SLC29A4: variants seen among roughly 807,000 people sequenced by gnomAD.
SLC29A4 encodes the protein solute carrier family 29 member 4.
SLC29A4 carries 36 observed loss-of-function variants against 43.9 expected under a neutral mutation model. That is an observed-to-expected ratio of 0.82 (90% confidence interval 0.63 to 1.08). SLC29A4 has a LOEUF of 1.08. Among genes scored for constraint, SLC29A4 ranks in the 50% least tolerant of loss-of-function variants. SLC29A4 has a pLI of 0.00. For synonymous variants in SLC29A4, 491 were observed against 338.0 expected (o/e 1.45, Z -4.97); for missense variants, 869 against 755.3 (o/e 1.15, Z -1.77).
rs934167853 is a variant in SLC29A4, at chr7:5,304,386, C to G, written c.*1447C>G. On this transcript the variant is annotated 3_prime_UTR_variant, in exon 11 of 11. Transcript: ENST00000396872. Reference sequence around the variant, plus strand: ...GAAACAAAGTGGGCGGGGCTTGGCCCCTGCCCCTCAGGGACTGCACTGCAT... The same window carrying G: ...GAAACAAAGTGGGCGGGGCTTGGCCGCTGCCCCTCAGGGACTGCACTGCAT... The G allele has an allele frequency of 4.0e-5, 6 of 151,752 alleles. No homozygotes were observed. Among genetic ancestry groups the G allele is most frequent in the African/African-American group, 1.5e-4 (6 of 41,334 alleles). 9.4% of individuals were successfully genotyped at this position (151,752 alleles called of 1,614,324 possible). A position where few individuals can be genotyped will look rare whatever the true frequency, so the allele number is the denominator to read the frequency against.
chr7:5,290,986 C>A (rs113532570), intron 3 of SLC29A4, 123 bp downstream of exon 3: 2 of 1,526,334 alleles, frequency 1.3e-6, no homozygotes, highest in African/African-American at 1.4e-5. Flanking sequence ...CTCGGCTCCA[C>A]TGTGAGCTGC....
intron 3 of SLC29A4, 110 bp from the exon 4 acceptor site, chr7:5,291,014 G>A: frequency 6.5e-7 from 1 of 1,527,860 alleles, no homozygotes; most frequent in Non-Finnish European, 8.9e-7. Flanking sequence ...CCTCAGGGCA[G>A]CCACTCACCC....
rs1786399631 is a variant in SLC29A4, at chr7:5,304,810, T to A, written c.*1871T>A. 6.6e-6 allele frequency: 1 copy of A among 152,020 alleles called. No homozygotes were observed. Among genetic ancestry groups the A allele is most frequent in the Non-Finnish European group, 1.5e-5 (1 of 68,022 alleles). 9.4% of individuals were successfully genotyped at this position (152,020 alleles called of 1,614,324 possible). A position where few individuals can be genotyped will look rare whatever the true frequency, so the allele number is the denominator to read the frequency against. On this transcript the variant is annotated 3_prime_UTR_variant, in exon 11 of 11. Transcript: ENST00000396872. ...TGAGCCACTGCACCCGTCCTGTGCCTCATTTTTGTTTTTTCTTTCTTTACA... is the reference window on the plus strand; with the variant it reads ...TGAGCCACTGCACCCGTCCTGTGCCACATTTTTGTTTTTTCTTTCTTTACA...
At chr7:5,285,765 A>C (rs1784905718) in intron 1 of SLC29A4, among the ~76,000 whole-genome samples, 1 of 152,192 alleles carries the variant, frequency 6.6e-6, no homozygotes, top group Admixed American at 6.5e-5. Flanking sequence ...TAATCCCAGC[A>C]CTTTGGGAGG....
intron 1 of SLC29A4, among the ~76,000 whole-genome samples, chr7:5,285,487 C>T (rs1465523312): frequency 6.6e-6 from 1 of 152,234 alleles, no homozygotes; most frequent in African/African-American, 2.4e-5. Flanking sequence ...AATGGGAAGG[C>T]TCTGGCTTCA....
intron 10 of SLC29A4, among the ~76,000 whole-genome samples, chr7:5,301,557 G>A (rs190847339): frequency 1.3e-5 from 2 of 152,336 alleles, no homozygotes; most frequent in East Asian, 1.9e-4. Context: ...GAGCAGAAGA[G>A]GAACGGGGTT....
chr7:5,301,848 G>A (rs7811048), intron 10 of SLC29A4, among the ~76,000 whole-genome samples: 3 of 152,158 alleles, frequency 2.0e-5, no homozygotes, highest in Non-Finnish European at 4.4e-5. Flanking sequence ...AAGAGGCCTC[G>A]TTGGGAGGGG....
intron 2 of SLC29A4, among the ~76,000 whole-genome samples, chr7:5,290,500 A>G (rs1343741773): frequency 3.9e-5 from 6 of 152,160 alleles, no homozygotes. Context: ...CTGTCCATCA[A>G]GCTGGCAGCT....
In SLC29A4 at chr7:5,303,687, G is replaced by C. The variant is rs1378837369; in HGVS notation, c.*748G>C. 6.6e-6 allele frequency: 1 copy of C among 152,422 alleles called. No homozygotes were observed. The highest frequency in any genetic ancestry group is 2.4e-5 in the African/African-American group (1 of 41,458). 9.4% of individuals were successfully genotyped at this position (152,422 alleles called of 1,614,324 possible). On this transcript the variant is annotated 3_prime_UTR_variant, in exon 11 of 11. Transcript: ENST00000396872. ...CCCATTGCCTTCCTGGCCCGGGATA[G>C]AAGAGGGGAGGTAAGTCTGGGGGCT...
Position 5,306,187 on chromosome 7 carries a change from ATTTCTTTTTTTTT to A in SLC29A4, c.*3252_*3264del, listed in dbSNP as rs1786480259. The A allele has an allele frequency of 8.5e-6, 1 of 117,584 alleles. No homozygotes were observed. The highest frequency in any genetic ancestry group is 1.7e-5 in the Non-Finnish European group (1 of 57,998). The allele number at this position is 117,584 out of a possible 1,614,324, so 7.3% of individuals were successfully genotyped here. On this transcript the variant is annotated 3_prime_UTR_variant, in exon 11 of 11. Coordinates refer to ENST00000396872, the MANE Select transcript of SLC29A4 (RefSeq NM_153247.4). ...ATTTTTTCTCATGTAAATTTGTTCAATTTCTTTTTTTTTTTTTTTTTTTTTTTTTGAGACAATC... is the reference window on the plus strand; with the variant it reads ...ATTTTTTCTCATGTAAATTTGTTCAATTTTTTTTTTTTTTTTGAGACAATC...
At chr7:5,289,313 C>T (rs1392339444) in intron 2 of SLC29A4, among the ~76,000 whole-genome samples, 1 of 152,166 alleles carries the variant, frequency 6.6e-6, no homozygotes, top group Non-Finnish European at 1.5e-5. Flanking sequence ...AGGAGAATCA[C>T]TTGAGCCCAG....
Position 5,297,211 on chromosome 7 carries a change from C to G in SLC29A4, c.882+13C>G. 6.4e-7 allele frequency: 1 copy of G among 1,568,804 alleles called. No homozygotes were observed. Among genetic ancestry groups the G allele is most frequent in the Admixed American group, 1.8e-5 (1 of 56,482 alleles). ...GGACGTCCACTTCGTAAGTGCGCAC[C>G]GCCCACCTCTGTTCCCTTCTCTGTC... On this transcript the variant is annotated intron_variant, in intron 7 of 10. Coordinates refer to ENST00000396872, the MANE Select transcript of SLC29A4 (RefSeq NM_153247.4).
intron 5 of SLC29A4, among the ~76,000 whole-genome samples, chr7:5,292,246 G>A (rs2128088485): frequency 6.6e-6 from 1 of 152,136 alleles, no homozygotes; most frequent in Non-Finnish European, 1.5e-5. Flanking sequence ...GAGTAGCTAG[G>A]ACCTCAGGCA....
chr7:5,287,233 T>G (rs62441131), intron 1 of SLC29A4, among the ~76,000 whole-genome samples: 7,693 of 152,172 alleles, frequency 0.051, 239 homozygotes, highest in Middle Eastern at 0.089. Context: ...GGCAATGTAG[T>G]GAGACCCCCA....
intron 1 of SLC29A4, among the ~76,000 whole-genome samples, chr7:5,285,536 G>A (rs1393593631): frequency 6.6e-6 from 1 of 152,256 alleles, no homozygotes; most frequent in Non-Finnish European, 1.5e-5. Context: ...TTAGGCCCCA[G>A]TTAAAATTCT....
At chr7:5,301,632 C>T (rs1173552250) in intron 10 of SLC29A4, among the ~76,000 whole-genome samples, 1 of 152,210 alleles carries the variant, frequency 6.6e-6, no homozygotes, top group Admixed American at 6.5e-5. Flanking sequence ...GCTACTTCAC[C>T]AGTCCAGGCC....
intron 5 of SLC29A4, among the ~76,000 whole-genome samples, chr7:5,292,365 C>T (rs1334964233): frequency 1.3e-5 from 2 of 152,154 alleles, no homozygotes; most frequent in Admixed American, 6.5e-5. Flanking sequence ...CCTCCCACCT[C>T]GGTCTTCCAA....
rs1293478047 is a variant in SLC29A4, at chr7:5,303,506, TGAA to T, written c.*569_*571del. The T allele has an allele frequency of 6.4e-6, 1 of 156,614 alleles. No individual in the cohort carries two copies. The highest frequency in any genetic ancestry group is 1.4e-5 in the Non-Finnish European group (1 of 71,326). The allele number at this position is 156,614 out of a possible 1,614,324, so 9.7% of individuals were successfully genotyped here. A position where few individuals can be genotyped will look rare whatever the true frequency, so the allele number is the denominator to read the frequency against. ...TCTCCCAAACATAACGCGTTAGCCA[TGAA>T]GGAGTCGGAGCCCTGGGTCCGAATG... is the stretch of plus-strand genomic sequence containing the variant. On this transcript the variant is annotated 3_prime_UTR_variant, in exon 11 of 11. Transcript: ENST00000396872.
At chr7:5,300,988 G>A (rs1786121369) in intron 10 of SLC29A4, among the ~76,000 whole-genome samples, 1 of 152,216 alleles carries the variant, frequency 6.6e-6, no homozygotes. Flanking sequence ...GCCGGGCACA[G>A]TGGCTCGTAC....
Sources: gnomAD v4.1 joint callset for allele counts (sites outside exome capture counted in the v4.1 genomes callset) on GRCh38, gnomAD v4.1.1 for gene constraint, MANE v1.5 for transcripts, NCBI Gene and HGNC (gene_info 2026-07-23, HGNC 2026-07-21) for gene names.